The following HTRA1 variants were observed in gnomAD, a reference collection of about 807,000 sequenced individuals.
HTRA1 encodes HtrA serine peptidase 1.
HTRA1 carries 26 observed loss-of-function variants against 49.7 expected under a neutral mutation model. That is an observed-to-expected ratio of 0.52 (90% CI 0.38 to 0.73). The LOEUF is 0.73. Among genes scored for constraint, HTRA1 ranks in the 30% least tolerant of loss-of-function variants. The pLI, the probability that HTRA1 is intolerant of heterozygous loss-of-function variation, is 0.00. For synonymous variants in HTRA1, 291 were observed against 286.9 expected, an observed-to-expected ratio of 1.01 and a Z score of -0.14; for missense variants, 561 against 667.2, an observed-to-expected ratio of 0.84 and a Z score of 1.75.
At position 122,483,289 on chromosome 10, in the gene HTRA1, G is replaced by C. The variant is rs371248291; in HGVS notation, c.473-5613G>C. ...CTAGTAGTTTATAAAGAGGAAAGAC[G>C]AATCATTTATTGTCTTGGGATTGAA... On this transcript the variant is annotated intron_variant, in intron 1 of 8. Coordinates refer to ENST00000368984, the MANE Select transcript of HTRA1 (RefSeq NM_002775.5). Among the ~76,000 whole-genome samples, 45 of 152,050 alleles carry C rather than the reference G, an allele frequency of 3.0e-4. No individual in the cohort carries two copies. In the South Asian group the frequency reaches 9.2e-3, roughly 31 times the overall value.
chr10:122,514,155 C>T lies in HTRA1; in HGVS notation c.1275-36C>T, dbSNP rs2293871. On this transcript the variant is annotated intron_variant, in intron 8 of 8. Coordinates refer to ENST00000368984, the MANE Select transcript of HTRA1 (RefSeq NM_002775.5). ...AGTCAGACCAGGAGGAATGGAAACA[C>T]GAAACATTGCCATTGTGTTTCCCTT... 311,510 of 1,605,236 alleles carry T rather than the reference C, an allele frequency of 0.19. 33,858 individuals are homozygous for T. Among genetic ancestry groups the T allele is most frequent in the East Asian group, 0.43 (19,319 of 44,818 alleles).
chr10:122,485,454 G>A (rs1394880970), intron 1 of HTRA1, among the ~76,000 whole-genome samples: 2 of 152,212 alleles, frequency 1.3e-5, no homozygotes, highest in Non-Finnish European at 2.9e-5. Flanking sequence ...GCAGCACGCT[G>A]GGGAGAGGAA....
chr10:122,480,834 A>G (rs937454934), intron 1 of HTRA1, among the ~76,000 whole-genome samples: 1 of 152,200 alleles, frequency 6.6e-6, no homozygotes, highest in African/African-American at 2.4e-5. Flanking sequence ...AATTATGAAT[A>G]TAACATTAGG....
At chr10:122,475,243 T>C (rs1004111202) in intron 1 of HTRA1, among the ~76,000 whole-genome samples, 5 of 152,316 alleles carry the variant, frequency 3.3e-5, no homozygotes, top group South Asian at 4.1e-4. Context: ...ACCCGGGACA[T>C]GCAGGACGGG....
intron 6 of HTRA1, 80 bp from the exon 7 acceptor site, chr10:122,510,016 A>T (rs1371937457): frequency 8.1e-7 from 1 of 1,227,086 alleles, no homozygotes; most frequent in African/African-American, 1.5e-5. Context: ...AACCTGGGGG[A>T]TTGGGCCCCC....
rs1051139041 is a variant in HTRA1, at chr10:122,512,211, G to A, written c.1274+146G>A. Reference sequence around the variant, plus strand: ...TGGTCGGACGTTGCTTGTCATTCCTGCTGGCCAGGCCTTCCGACCTGGCTC... The same window carrying A: ...TGGTCGGACGTTGCTTGTCATTCCTACTGGCCAGGCCTTCCGACCTGGCTC... On this transcript the variant is annotated intron_variant, in intron 8 of 8. Coordinates refer to ENST00000368984, the MANE Select transcript of HTRA1 (RefSeq NM_002775.5). 4.1e-6 allele frequency: 3 copies of A among 728,222 alleles called. No individual in the cohort carries two copies. In the African/African-American group the frequency reaches 5.2e-5, roughly 13 times the overall value. 45.1% of individuals were successfully genotyped at this position (728,222 alleles called of 1,614,324 possible).
chr10:122,513,584 C>T (rs1452744000), intron 8 of HTRA1, among the ~76,000 whole-genome samples: 2 of 131,986 alleles, frequency 1.5e-5, no homozygotes, highest in Non-Finnish European at 1.5e-5. Flanking sequence ...TCCCTTGAGC[C>T]CAGGAGTTCG....
Position 122,461,958 on chromosome 10 carries a change from G to A in HTRA1, c.306G>A (p.Arg102=). Residue 102 remains arginine, a synonymous_variant, in exon 1 of 9, where the codon CGG becomes CGA. Transcript: ENST00000368984. The stretch of plus-strand genomic sequence containing the variant: ...GGGTGCCAGCCTCGGCCACGGTGCG[G>A]CGGCGCGCGCAGGCCGGCCTCTGTG... The part of the protein sequence containing the change: ...PFGVPASATV[R]RRAQAGLCVC... The A allele has an allele frequency of 6.7e-7, 1 of 1,501,454 alleles. No homozygotes were observed. The highest frequency in any genetic ancestry group is 1.2e-5 in the South Asian group (1 of 80,778). 93.0% of individuals were successfully genotyped at this position (1,501,454 alleles called of 1,614,324 possible).
At chr10:122,507,269 C>T in intron 4 of HTRA1, 101 bp from the exon 5 acceptor site, 2 of 922,726 alleles carry the variant, frequency 2.2e-6, no homozygotes, top group Non-Finnish European at 3.6e-6. Flanking sequence ...GAATCGTGCC[C>T]CCCACTCTAG....
chr10:122,463,012 G>A (rs2097482231), intron 1 of HTRA1, among the ~76,000 whole-genome samples: 1 of 152,242 alleles, frequency 6.6e-6, no homozygotes. Flanking sequence ...GAGGCCATGT[G>A]GAAAAATAAT....
intron 3 of HTRA1, among the ~76,000 whole-genome samples, chr10:122,496,225 G>GTTTTTTTTTTTTTTT (rs1287521208): frequency 0.012 from 937 of 80,388 alleles, 394 homozygotes; most frequent in Middle Eastern, 0.016. Context: ...GAGATTGTGG[G>GTTTTTTTTTTTTTTT]TTCTTTTTTT....
At chr10:122,470,610 G>A (rs889324506) in intron 1 of HTRA1, among the ~76,000 whole-genome samples, 4 of 151,948 alleles carry the variant, frequency 2.6e-5, no homozygotes, top group African/African-American at 7.3e-5. Flanking sequence ...GAATATGAAG[G>A]AGTTTTATCA....
chr10:122,514,362 A>G lies in HTRA1; in HGVS notation c.*3A>G. On this transcript the variant is annotated 3_prime_UTR_variant, in exon 9 of 9. Transcript: ENST00000368984. Reference sequence around the variant, plus strand: ...TTCCCGAAGAAATTGACCCATAGGCAGAGGCATGAGCTGGACTTCATGTTT... The same window carrying G: ...TTCCCGAAGAAATTGACCCATAGGCGGAGGCATGAGCTGGACTTCATGTTT... 1 of 1,613,954 alleles carries G rather than the reference A, an allele frequency of 6.2e-7. No homozygotes were observed. The highest frequency in any genetic ancestry group is 2.2e-5 in the East Asian group (1 of 44,876).
At chr10:122,474,395 C>A (rs987441468) in intron 1 of HTRA1, among the ~76,000 whole-genome samples, 1 of 152,176 alleles carries the variant, frequency 6.6e-6, no homozygotes, top group African/African-American at 2.4e-5. Flanking sequence ...GAACTGGCTT[C>A]TTCCTTGATA....
rs2133904983 is a variant in HTRA1 at position 122,461,740 on chromosome 10, T to C, written c.88T>C (p.Ser30Pro). 1.7e-6 allele frequency: 2 copies of C among 1,150,680 alleles called. No homozygotes were observed. Among genetic ancestry groups the C allele is most frequent in the Admixed American group, 8.2e-5 (2 of 24,304 alleles). 71.3% of individuals were successfully genotyped at this position (1,150,680 alleles called of 1,614,324 possible). Residue 30 changes from serine to proline, a missense_variant, in exon 1 of 9, where the codon TCG becomes CCG. Coordinates refer to ENST00000368984, the MANE Select transcript of HTRA1 (RefSeq NM_002775.5). Reference protein sequence around the residue: ...ASAQLSRAGRSAPLAAGCPDR... With the variant: ...ASAQLSRAGRPAPLAAGCPDR... ...GGCGCAGCTGTCCCGGGCCGGCCGC[T>C]CGGCGCCTTTGGCCGCCGGGTGCCC...
chr10:122,514,335 G>A lies in HTRA1; in HGVS notation c.1419G>A (p.Val473=). The A allele has an allele frequency of 1.2e-6, 2 of 1,614,134 alleles. No homozygotes were observed. The highest frequency in any genetic ancestry group is 1.7e-6 in the Non-Finnish European group (2 of 1,180,024). The stretch of plus-strand genomic sequence containing the variant: ...GTAATGAAGATATCATGATCACAGT[G>A]ATTCCCGAAGAAATTGACCCATAGG... ...RRGNEDIMIT[V]IPEEIDP Residue 473 remains valine, a synonymous_variant, in exon 9 of 9, where the codon GTG becomes GTA. Coordinates refer to ENST00000368984, the MANE Select transcript of HTRA1 (RefSeq NM_002775.5).
At position 122,498,587 on chromosome 10, in the gene HTRA1, A is replaced by G. The variant is rs74768555; in HGVS notation, c.778-8104A>G. Among the ~76,000 whole-genome samples the G allele has an allele frequency of 4.1e-4, 63 of 152,294 alleles. No individual in the cohort carries two copies. The East Asian group carries it at 0.011, about 26-fold the overall frequency. The stretch of plus-strand genomic sequence containing the variant: ...GAACGGAAGGGTTCTGAAGCTGTTC[A>G]GAACCCTGAATGGAAGCTGAAATAT... On this transcript the variant is annotated intron_variant, in intron 3 of 8. Transcript: ENST00000368984.
In HTRA1 at chr10:122,487,348, GAGT is replaced by G. The variant is rs1357562450; in HGVS notation, c.473-1548_473-1546del. Among the ~76,000 whole-genome samples the G allele has an allele frequency of 6.6e-6, 1 of 152,132 alleles. No individual in the cohort carries two copies. The highest frequency in any genetic ancestry group is 1.5e-5 in the Non-Finnish European group (1 of 68,012). ...CAGCAGGTGGCAAGATTAGGAGCCG[GAGT>G]AGTAGGCTAAGGCTGCACTTCCAGG... On this transcript the variant is annotated intron_variant, in intron 1 of 8. Transcript: ENST00000368984. The surrounding 1 kb of genome is among the most constrained non-coding windows in gnomAD (Gnocchi z 4.8).
At chr10:122,471,286 C>T (rs2097486025) in intron 1 of HTRA1, among the ~76,000 whole-genome samples, 1 of 152,112 alleles carries the variant, frequency 6.6e-6, no homozygotes, top group Non-Finnish European at 1.5e-5. Context: ...AGAAGACGCA[C>T]AGGAGGAAGA....
Sources: allele counts gnomAD v4.1 joint callset (sites outside exome capture counted in the v4.1 genomes callset), GRCh38; gene constraint gnomAD v4.1.1; non-coding constraint Gnocchi (gnomAD v3.1); transcripts MANE v1.5; gene names NCBI Gene and HGNC (gene_info 2026-07-23, HGNC 2026-07-21).